The following SMIM14 variants were observed in gnomAD, a reference collection of about 807,000 sequenced individuals.
SMIM14 encodes the protein chromosome 4 open reading frame 34.
In SMIM14, 5 loss-of-function variants were observed where a neutral mutation model predicts 12.6. The ratio of observed to expected loss-of-function variants is 0.40; its 90% CI spans 0.21 to 0.83. The LOEUF (loss-of-function observed/expected upper bound fraction) is 0.83, where lower values mean the gene tolerates loss of function less well. SMIM14 is among the 40% of genes least tolerant of loss of function. The pLI, the probability that SMIM14 is intolerant of heterozygous loss-of-function variation, is 0.37. For synonymous variants in SMIM14, 30 were observed against 40.1 expected, an observed-to-expected ratio of 0.75 and a Z score of 0.95; for missense variants, 86 against 119.1, an observed-to-expected ratio of 0.72 and a Z score of 1.29.
chr4:39,576,984 T>A (rs1379852381), intron 2 of SMIM14, among the ~76,000 whole-genome samples: 2 of 151,810 alleles, frequency 1.3e-5, no homozygotes, highest in South Asian at 4.2e-4. Context: ...GTGCTGGGAT[T>A]ACAGTCATGA....
intron 2 of SMIM14, among the ~76,000 whole-genome samples, chr4:39,590,497 A>C (rs960452137): frequency 3.3e-5 from 5 of 151,208 alleles, no homozygotes; most frequent in Admixed American, 1.3e-4. Context: ...CTACTACTAC[A>C]TCACTAAAAA....
chr4:39,603,059 T>C (rs2110055653), intron 2 of SMIM14, among the ~76,000 whole-genome samples: 1 of 152,288 alleles, frequency 6.6e-6, no homozygotes, highest in Non-Finnish European at 1.5e-5. Context: ...TCAAAGGAAA[T>C]GCTCTTTGGA....
At chr4:39,605,312 TATCTATTA>T (rs1714765402) in intron 1 of SMIM14, 132 bp from the exon 2 acceptor site, 3 of 517,638 alleles carry the variant, frequency 5.8e-6, no homozygotes, top group Non-Finnish European at 1.0e-5. Context: ...TATTGACTTG[TATCTATTA>T]ATTTATTATT....
At chr4:39,616,380 C>A (rs1017533494) in intron 1 of SMIM14, among the ~76,000 whole-genome samples, 5 of 152,206 alleles carry the variant, frequency 3.3e-5, no homozygotes, top group African/African-American at 1.2e-4. Context: ...TAGTGACCTG[C>A]TCCCTCAGCC....
intron 2 of SMIM14, chr4:39,594,420 T>G (rs550040324): frequency 6.6e-6 from 1 of 152,114 alleles, no homozygotes; most frequent in Non-Finnish European, 1.5e-5. Context: ...GATTAAAGAC[T>G]TAAACGTTAG....
At chr4:39,636,980 C>T (rs1716120113) in intron 1 of SMIM14, among the ~76,000 whole-genome samples, 1 of 152,126 alleles carries the variant, frequency 6.6e-6, no homozygotes, top group Non-Finnish European at 1.5e-5. Flanking sequence ...GATAAGGGGG[C>T]ACTACTGTGT....
At chr4:39,573,101 T>TTTA (rs1009233168) in intron 2 of SMIM14, among the ~76,000 whole-genome samples, 6 of 145,384 alleles carry the variant, frequency 4.1e-5, no homozygotes, top group Admixed American at 1.3e-4. Context: ...TTATTATTAT[T>TTTA]TTATTATTAT....
In SMIM14 at chr4:39,547,459, C is replaced by T. The variant is rs1747384615; in HGVS notation, c.*4667G>A. ...TATAAAATCAGTAATTAACATTTAG[C>T]ATATCACACGACCACTTTTGCTTTT... On this transcript the variant is annotated 3_prime_UTR_variant, in exon 5 of 5. Coordinates refer to ENST00000295958, the MANE Select transcript of SMIM14 (RefSeq NM_174921.3). The T allele has an allele frequency of 6.6e-6, 1 of 152,206 alleles. No homozygotes were observed. Among genetic ancestry groups the T allele is most frequent in the Non-Finnish European group, 1.5e-5 (1 of 68,030 alleles). The allele number at this position is 152,206 out of a possible 1,614,324, so 9.4% of individuals were successfully genotyped here.
intron 2 of SMIM14, among the ~76,000 whole-genome samples, chr4:39,577,266 T>G (rs776577911): frequency 3.3e-5 from 5 of 151,976 alleles, no homozygotes; most frequent in African/African-American, 4.8e-5. Flanking sequence ...TCACACACAA[T>G]TGGTAATTAG....
intron 3 of SMIM14, among the ~76,000 whole-genome samples, chr4:39,567,672 G>A (rs1005727406): frequency 6.6e-6 from 1 of 151,974 alleles, no homozygotes; most frequent in Non-Finnish European, 1.5e-5. Context: ...GGGAGGTGGA[G>A]GTTGCAGTGA....
intron 2 of SMIM14, among the ~76,000 whole-genome samples, chr4:39,576,676 A>ATATATATATATATATATT (rs1713198321): frequency 3.2e-5 from 1 of 31,030 alleles, no homozygotes; most frequent in Non-Finnish European, 6.5e-5. Context: ...ATATATATAT[A>ATATATATATATATATATT]TATATATATT....
At chr4:39,626,017 G>A (rs921157188) in intron 1 of SMIM14, among the ~76,000 whole-genome samples, 5 of 152,152 alleles carry the variant, frequency 3.3e-5, no homozygotes, top group African/African-American at 1.2e-4. Flanking sequence ...AAGGAGGTGA[G>A]GTGCGGGCCA....
chr4:39,566,891 T>C (rs1202614262), intron 3 of SMIM14, among the ~76,000 whole-genome samples: 1 of 151,872 alleles, frequency 6.6e-6, no homozygotes, highest in African/African-American at 2.4e-5. Context: ...CGCTTGAACC[T>C]GCGAGGTGGA....
At chr4:39,608,000 G>C (rs1578353459) in intron 1 of SMIM14, among the ~76,000 whole-genome samples, 1 of 152,304 alleles carries the variant, frequency 6.6e-6, no homozygotes, top group Non-Finnish European at 1.5e-5. Flanking sequence ...CTACTAGTAT[G>C]GCTATAATCA....
intron 1 of SMIM14, among the ~76,000 whole-genome samples, chr4:39,635,936 G>A (rs62307836): frequency 0.02 from 3,111 of 152,136 alleles, 48 homozygotes; most frequent in Non-Finnish European, 0.034. Flanking sequence ...ACCGTGGGCG[G>A]CCAAGGTGGG....
intron 1 of SMIM14, among the ~76,000 whole-genome samples, chr4:39,618,936 A>G (rs1715327844): frequency 6.6e-6 from 1 of 151,822 alleles, no homozygotes; most frequent in African/African-American, 2.4e-5. Flanking sequence ...TGGGCATAAA[A>G]TGGCAGCAGG....
At chr4:39,624,634 G>A (rs1404375023) in intron 1 of SMIM14, among the ~76,000 whole-genome samples, 2 of 151,720 alleles carry the variant, frequency 1.3e-5, no homozygotes, top group Non-Finnish European at 2.9e-5. Flanking sequence ...GACCAGCCTG[G>A]CCAACATGGT....
chr4:39,574,842 T>G (rs1051776952), intron 2 of SMIM14, among the ~76,000 whole-genome samples: 1 of 152,056 alleles, frequency 6.6e-6, no homozygotes, highest in Non-Finnish European at 1.5e-5. Flanking sequence ...CTAAAAGTAG[T>G]CCTGTTTGGA....
intron 2 of SMIM14, among the ~76,000 whole-genome samples, chr4:39,577,855 C>T (rs1449954147): frequency 6.6e-6 from 1 of 152,198 alleles, no homozygotes. Flanking sequence ...TACGGTAAGT[C>T]TTTGGGACAT....
Sources: allele counts gnomAD v4.1 joint callset (sites outside exome capture counted in the v4.1 genomes callset), GRCh38; gene constraint gnomAD v4.1.1; transcripts MANE v1.5; gene names NCBI Gene and HGNC (gene_info 2026-07-23, HGNC 2026-07-21).